DENND4B: variants seen among roughly 807,000 people sequenced by gnomAD.
DENND4B encodes DENN domain-containing protein 4B.
A neutral mutation model predicts 161.0 loss-of-function variants in DENND4B; 67 were observed. That is an observed-to-expected ratio of 0.42 (90% confidence interval 0.34 to 0.51). DENND4B has a LOEUF of 0.51. Among genes scored for constraint, DENND4B ranks in the 20% least tolerant of loss-of-function variants. The probability of loss-of-function intolerance (pLI) is 0.08; values close to 1 mark genes in which losing one functional copy is unlikely to be tolerated. For missense variants in DENND4B, 1,481 were observed against 1,968.0 expected, an observed-to-expected ratio of 0.75 and a Z score of 4.68; for synonymous variants, 753 against 813.8, an observed-to-expected ratio of 0.93 and a Z score of 1.27.
In DENND4B at chr1:153,944,468, T is replaced by G; in HGVS notation, c.-23-71A>C. ...ATGCCATGGCAACCAGGGTACCCTC[T>G]TGCTCCCCTCCTCTTCCTAGTCCTT... On this transcript the variant is annotated intron_variant, in intron 1 of 27. Transcript: ENST00000361217. This position sits in a 1 kb window ranked among gnomAD's most constrained non-coding sequence, Gnocchi z 4.8. 1 of 1,409,162 alleles carries G rather than the reference T, an allele frequency of 7.1e-7. No homozygotes were observed. Among genetic ancestry groups the G allele is most frequent in the Non-Finnish European group, 9.4e-7 (1 of 1,058,336 alleles). The allele number at this position is 1,409,162 out of a possible 1,614,324, so 87.3% of individuals were successfully genotyped here. A position where few individuals can be genotyped will look rare whatever the true frequency, so the allele number is the denominator to read the frequency against.
rs1320435376 is a variant in DENND4B, at chr1:153,942,871, C to A, written c.570+7G>T. 1.3e-6 allele frequency: 2 copies of A among 1,591,516 alleles called. No individual in the cohort carries two copies. Among genetic ancestry groups the A allele is most frequent in the South Asian group, 1.1e-5 (1 of 88,988 alleles). On this transcript the variant is annotated splice_region_variant and intron_variant, in intron 3 of 27. Coordinates refer to ENST00000361217, the MANE Select transcript of DENND4B (RefSeq NM_014856.3). This position sits in a 1 kb window ranked among gnomAD's most constrained non-coding sequence, Gnocchi z 6.9. The stretch of plus-strand genomic sequence containing the variant: ...AGGACCAGGTGTCAGCTCTTGGCCC[C>A]ACTCACCATGCCAGGGTTGAGGTTG...
chr1:153,935,041 G>A (rs954368947), intron 17 of DENND4B, 77 bp from the exon 18 acceptor site: 1 of 1,571,714 alleles, frequency 6.4e-7, no homozygotes, highest in African/African-American at 1.3e-5. Context: ...CTGTCTTGGA[G>A]CCCCAGGGAC....
chr1:153,930,111 G>A lies in DENND4B; in HGVS notation c.*186C>T. 2.6e-6 allele frequency: 2 copies of A among 783,654 alleles called. No homozygotes were observed. The highest frequency in any genetic ancestry group is 4.0e-6 in the Non-Finnish European group (2 of 505,978). The allele number at this position is 783,654 out of a possible 1,614,324, so 48.5% of individuals were successfully genotyped here. ...GCACGAACAAACTGGGTAGGTTGGTGATGGGGGAATCAGGACTTTTGGTAA... is the reference window on the plus strand; with the variant it reads ...GCACGAACAAACTGGGTAGGTTGGTAATGGGGGAATCAGGACTTTTGGTAA... On this transcript the variant is annotated 3_prime_UTR_variant, in exon 28 of 28. Transcript: ENST00000361217. This position sits in a 1 kb window ranked among gnomAD's most constrained non-coding sequence, Gnocchi z 4.7.
At position 153,946,015 on chromosome 1, in the gene DENND4B, G is replaced by GC. The variant is rs1679944984; in HGVS notation, c.-24+285_-24+286insG. Among the ~76,000 whole-genome samples the GC allele has an allele frequency of 6.6e-6, 1 of 152,190 alleles. No homozygotes were observed. Among genetic ancestry groups the GC allele is most frequent in the Admixed American group, 6.5e-5 (1 of 15,290 alleles). Reference sequence around the variant, plus strand: ...CAGAGAAGCAGGCGCGCCGGCGGCCGAGGACGTGACGGCAGCAGCGCCGGC... The same window carrying GC: ...CAGAGAAGCAGGCGCGCCGGCGGCCGCAGGACGTGACGGCAGCAGCGCCGGC... On this transcript the variant is annotated intron_variant, in intron 1 of 27. Coordinates refer to ENST00000361217, the MANE Select transcript of DENND4B (RefSeq NM_014856.3). This position sits in a 1 kb window ranked among gnomAD's most constrained non-coding sequence, Gnocchi z 6.3.
Position 153,940,142 on chromosome 1 carries a change from C to T in DENND4B, c.1603+14G>A. 2 of 1,549,020 alleles carry T rather than the reference C, an allele frequency of 1.3e-6. No individual in the cohort carries two copies. Among genetic ancestry groups the T allele is most frequent in the Admixed American group, 2.1e-5 (1 of 47,508 alleles). On this transcript the variant is annotated intron_variant, in intron 11 of 27. Coordinates refer to ENST00000361217, the MANE Select transcript of DENND4B (RefSeq NM_014856.3). The surrounding 1 kb of genome is among the most constrained non-coding windows in gnomAD (Gnocchi z 5.6). The stretch of plus-strand genomic sequence containing the variant: ...TGACAGTTCCCAGCCTCCCTCCCCA[C>T]CCAGGCTTCTCACTCTGGTCCAGCT...
In DENND4B at chr1:153,936,096, A is replaced by G. The variant is rs368569502; in HGVS notation, c.2532T>C (p.Ile844=). 2.5e-6 allele frequency: 4 copies of G among 1,612,972 alleles called. No homozygotes were observed. The South Asian group carries it at 3.3e-5, about 13-fold the overall frequency. The change falls in exon 17 of 28, where the codon ATT becomes ATC. Residue 844 remains isoleucine, a synonymous_variant. Transcript: ENST00000361217. The surrounding 1 kb of genome is among the most constrained non-coding windows in gnomAD (Gnocchi z 4.1). ...AGCCATAGGTGATGGTGTTGGGCAC[A>G]ATGCCTGCCTGACGCATCTCCAGCA... ...RVMLEMRQAG[I]VPNTITYGYY... is the part of the protein sequence containing the mutation.
chr1:153,930,424 T>A lies in DENND4B; in HGVS notation c.4364A>T (p.Tyr1455Phe). The A allele has an allele frequency of 3.1e-6, 5 of 1,614,024 alleles. No individual in the cohort carries two copies. Among genetic ancestry groups the A allele is most frequent in the Non-Finnish European group, 4.2e-6 (5 of 1,179,872 alleles). Residue 1455 changes from tyrosine to phenylalanine, a missense_variant, in exon 28 of 28, where the codon TAC becomes TTC. Tyr to Phe is a conservative substitution (Grantham distance 22). Around this residue, in one of 3 missense-constraint regions of DENND4B, gnomAD observed 336 missense variants for 503.3 expected, o/e 0.67. Coordinates refer to ENST00000361217, the MANE Select transcript of DENND4B (RefSeq NM_014856.3). This position sits in a 1 kb window ranked among gnomAD's most constrained non-coding sequence, Gnocchi z 4.7. ...GGCCAGCTTGTTAAAGGCAGACTTG[T>A]ACTTCTTATCGAAGGCCACTAGGGA... Reference protein sequence around the residue: ...HVDIVAFDKKYKSAFNKLASS... With the variant: ...HVDIVAFDKKFKSAFNKLASS...
rs200710386 is a variant in DENND4B at position 153,939,735 on chromosome 1, C to T, written c.1673G>A (p.Arg558His). 66 of 1,613,812 alleles carry T rather than the reference C, an allele frequency of 4.1e-5. No individual in the cohort carries two copies. Among genetic ancestry groups the T allele is most frequent in the African/African-American group, 3.7e-4 (28 of 74,926 alleles). ...LLTDYEAVCG[R>H]RARLEREVQG... ...GACTTCGCGCTCCAGCCGGGCCCTG[C>T]GGCCACACACTGCCTCGTAGTCTGT... The change falls in exon 12 of 28, where the codon CGC becomes CAC. Residue 558 changes from arginine (R) to histidine (H), a missense_variant. Around this residue, in one of 3 missense-constraint regions of DENND4B, gnomAD observed 806 missense variants for 1,134.4 expected, o/e 0.71. Coordinates refer to ENST00000361217, the MANE Select transcript of DENND4B (RefSeq NM_014856.3).
Position 153,930,168 on chromosome 1 carries a change from G to T in DENND4B, c.*129C>A. ...ATCCCTCTTCCTGTTGTCCTCGCTT[G>T]GAGCCTTTGACTGGGCATCCTTCCC... On this transcript the variant is annotated 3_prime_UTR_variant, in exon 28 of 28. Coordinates refer to ENST00000361217, the MANE Select transcript of DENND4B (RefSeq NM_014856.3). This position sits in a 1 kb window ranked among gnomAD's most constrained non-coding sequence, Gnocchi z 4.7. The T allele has an allele frequency of 8.0e-7, 1 of 1,252,778 alleles. No individual in the cohort carries two copies. The highest frequency in any genetic ancestry group is 1.1e-6 in the Non-Finnish European group (1 of 926,400). The allele number at this position is 1,252,778 out of a possible 1,614,324, so 77.6% of individuals were successfully genotyped here. A position where few individuals can be genotyped will look rare whatever the true frequency, so the allele number is the denominator to read the frequency against.
Position 153,941,243 on chromosome 1 carries a change from G to A in DENND4B, c.1169C>T (p.Pro390Leu). The change falls in exon 8 of 28, where the codon CCC becomes CTC. Residue 390 changes from proline to leucine, a missense_variant. Transcript: ENST00000361217. ...TCTGATCACATACCTGAGGGGCAGG[G>A]GTGAGGATACAGGCTGACAGAGGAG... ...NLLLCQPVSS[P>L]LPLSGASFLQ... 1 of 1,613,846 alleles carries A rather than the reference G, an allele frequency of 6.2e-7. No homozygotes were observed. The highest frequency in any genetic ancestry group is 8.5e-7 in the Non-Finnish European group (1 of 1,179,830).
chr1:153,945,752 A>T (rs1180568320), intron 1 of DENND4B, among the ~76,000 whole-genome samples: 1 of 152,228 alleles, frequency 6.6e-6, no homozygotes, highest in Non-Finnish European at 1.5e-5. Context: ...GGCAGAGGCC[A>T]TTAGGTGGGA....
rs989031541 is a variant in DENND4B, at chr1:153,940,766, T to C, written c.1326+138A>G. 4 of 1,439,576 alleles carry C rather than the reference T, an allele frequency of 2.8e-6. No homozygotes were observed. The African/African-American group carries it at 4.3e-5, about 15-fold the overall frequency. The allele number at this position is 1,439,576 out of a possible 1,614,324, so 89.2% of individuals were successfully genotyped here. ...AGAAGAGCTCCTGATGGAAGCTATG[T>C]GTTCCTGCAGGCTGTGCCCAGGGAA... On this transcript the variant is annotated intron_variant, in intron 9 of 27. Coordinates refer to ENST00000361217, the MANE Select transcript of DENND4B (RefSeq NM_014856.3). This position sits in a 1 kb window ranked among gnomAD's most constrained non-coding sequence, Gnocchi z 5.6.
At position 153,936,554 on chromosome 1, in the gene DENND4B, C is replaced by T; in HGVS notation, c.2427G>A (p.Val809=). The T allele has an allele frequency of 6.3e-7, 1 of 1,598,576 alleles. No homozygotes were observed. Among genetic ancestry groups the T allele is most frequent in the Admixed American group, 1.7e-5 (1 of 58,622 alleles). ...VLRQMESGKV[V]LPDEVCYRVL... ...ATAGATTGCCTACCTCATCAGGGAG[C>T]ACCACCTTGCCGCTCTCCATCTGGC... is the stretch of plus-strand genomic sequence containing the variant. Residue 809 remains valine (V), a synonymous_variant, in exon 16 of 28, where the codon GTG becomes GTA. Coordinates refer to ENST00000361217, the MANE Select transcript of DENND4B (RefSeq NM_014856.3). The surrounding 1 kb of genome is among the most constrained non-coding windows in gnomAD (Gnocchi z 4.1).
rs892773427 is a variant in DENND4B at position 153,944,042 on chromosome 1, G to A, written c.317+16C>T. The A allele has an allele frequency of 1.3e-6, 2 of 1,532,166 alleles. No individual in the cohort carries two copies. The highest frequency in any genetic ancestry group is 1.3e-5 in the South Asian group (1 of 78,884). 94.9% of individuals were successfully genotyped at this position (1,532,166 alleles called of 1,614,324 possible). A position where few individuals can be genotyped will look rare whatever the true frequency, so the allele number is the denominator to read the frequency against. On this transcript the variant is annotated intron_variant, in intron 2 of 27. Transcript: ENST00000361217. The surrounding 1 kb of genome is among the most constrained non-coding windows in gnomAD (Gnocchi z 4.8). ...TCCCAGCCTCCCCTGGTGCCAGCAT[G>A]GGTAGGGGCACACACCCCAGCTCAA...
chr1:153,930,625 A>T lies in DENND4B; in HGVS notation c.4281-22T>A. The stretch of plus-strand genomic sequence containing the variant: ...TCCCCTTTAGTGGAGGCAGAAGTGT[A>T]TGAGTGAGAGAAAAGGGGTGTGGAG... On this transcript the variant is annotated intron_variant, in intron 26 of 27. Coordinates refer to ENST00000361217, the MANE Select transcript of DENND4B (RefSeq NM_014856.3). This position sits in a 1 kb window ranked among gnomAD's most constrained non-coding sequence, Gnocchi z 4.7. The T allele has an allele frequency of 1.9e-6, 3 of 1,613,950 alleles. No individual in the cohort carries two copies. The highest frequency in any genetic ancestry group is 1.7e-6 in the Non-Finnish European group (2 of 1,179,856).
chr1:153,940,216 G>T lies in DENND4B; in HGVS notation c.1543C>A (p.Arg515Ser). ...KKLLSPRTLPRRPYKVLLATL... is the reference protein window; with the variant it reads ...KKLLSPRTLPSRPYKVLLATL... ...GCCAGCAGAACCTTGTAGGGTCTGC[G>T]GGGCAGGGTCCGAGGGGAGAGGAGC... Residue 515 changes from arginine (R) to serine (S), a missense_variant, in exon 11 of 28, where the codon CGC becomes AGC. This residue lies in a region of DENND4B where 806 missense variants were observed against 1,134.4 expected (regional missense o/e 0.71). Coordinates refer to ENST00000361217, the MANE Select transcript of DENND4B (RefSeq NM_014856.3). The surrounding 1 kb of genome is among the most constrained non-coding windows in gnomAD (Gnocchi z 5.6). The T allele has an allele frequency of 1.2e-6, 2 of 1,603,722 alleles. No homozygotes were observed. Among genetic ancestry groups the T allele is most frequent in the Non-Finnish European group, 1.7e-6 (2 of 1,175,684 alleles).
At chr1:153,931,815 T>G (rs1678960780) in intron 24 of DENND4B, among the ~76,000 whole-genome samples, 1 of 147,088 alleles carries the variant, frequency 6.8e-6, no homozygotes, top group South Asian at 2.2e-4. Flanking sequence ...TCTTTTTTTT[T>G]TTCTTGAGAC....
Position 153,936,197 on chromosome 1 carries a change from G to T in DENND4B, c.2440-9C>A. Reference sequence around the variant, plus strand: ...AGTACCCGGTAACACACCTGGGCCAGGAGAGGCACAGGACAATGGGAGACT... The same window carrying T: ...AGTACCCGGTAACACACCTGGGCCATGAGAGGCACAGGACAATGGGAGACT... On this transcript the variant is annotated splice_polypyrimidine_tract_variant and intron_variant, in intron 16 of 27. Coordinates refer to ENST00000361217, the MANE Select transcript of DENND4B (RefSeq NM_014856.3). This position sits in a 1 kb window ranked among gnomAD's most constrained non-coding sequence, Gnocchi z 4.1. 6.2e-7 allele frequency: 1 copy of T among 1,600,624 alleles called. No homozygotes were observed. Among genetic ancestry groups the T allele is most frequent in the Non-Finnish European group, 8.5e-7 (1 of 1,173,764 alleles).
At chr1:153,943,537 A>T (rs186095728) in intron 2 of DENND4B, among the ~76,000 whole-genome samples, 175 of 152,214 alleles carry the variant, frequency 1.1e-3, no homozygotes, top group African/African-American at 3.6e-3. Context: ...AATTAGCTGG[A>T]CGTGGTGGCA....
Sources: allele counts gnomAD v4.1 joint callset (sites outside exome capture counted in the v4.1 genomes callset), GRCh38; gene constraint gnomAD v4.1.1; regional missense constraint gnomAD v4.1.1; non-coding constraint Gnocchi (gnomAD v3.1); transcripts MANE v1.5; gene names NCBI Gene and HGNC (gene_info 2026-07-23, HGNC 2026-07-21).